The following SDK1 variants were observed in gnomAD, a reference collection of about 807,000 sequenced individuals.
The protein encoded by SDK1 is protein sidekick-1.
SDK1 carries 157 observed loss-of-function variants against 245.5 expected under a neutral mutation model. The ratio of observed to expected loss-of-function variants is 0.64; its 90% CI spans 0.56 to 0.73. The LOEUF (loss-of-function observed/expected upper bound fraction) is 0.73, where lower values mean the gene tolerates loss of function less well. SDK1 is among the 30% of genes least tolerant of loss of function. The probability of loss-of-function intolerance (pLI) is 0.00; values close to 1 mark genes in which losing one functional copy is unlikely to be tolerated. For synonymous variants in SDK1, 1,647 were observed against 1,278.5 expected, an observed-to-expected ratio of 1.29 and a Z score of -6.15; for missense variants, 3,583 against 3,002.3, an observed-to-expected ratio of 1.19 and a Z score of -4.52.
Position 3,644,799 on chromosome 7 carries a change from A to C in SDK1, c.713+2694A>C, listed in dbSNP as rs570455824. On this transcript the variant is annotated intron_variant, in intron 4 of 44. Transcript: ENST00000404826. The stretch of plus-strand genomic sequence containing the variant: ...AAAAAAAAAAAAAAAAAAACAAAAA[A>C]CAACAACAACGGCGGGGCAGGGGGT... Among the ~76,000 whole-genome samples, 481 of 148,268 alleles carry C rather than the reference A, an allele frequency of 3.2e-3. 8 individuals carry two copies. Among genetic ancestry groups the C allele is most frequent in the African/African-American group, 0.011 (433 of 40,416 alleles).
chr7:4,202,139 C>A (rs1250559902), intron 35 of SDK1, among the ~76,000 whole-genome samples: 1 of 152,204 alleles, frequency 6.6e-6, no homozygotes, highest in Non-Finnish European at 1.5e-5. Flanking sequence ...TGGGCCCCGA[C>A]CCTGTCCCCA....
chr7:3,627,687 C>G (rs190351641), intron 2 of SDK1, among the ~76,000 whole-genome samples: 6 of 152,320 alleles, frequency 3.9e-5, no homozygotes, highest in Non-Finnish European at 4.4e-5. Context: ...TGGATTCATT[C>G]ATAGCCTCAG....
chr7:4,008,840 A>G (rs1174088792), intron 14 of SDK1, among the ~76,000 whole-genome samples: 1 of 152,194 alleles, frequency 6.6e-6, no homozygotes, highest in Non-Finnish European at 1.5e-5. Flanking sequence ...GCTACTGTGA[A>G]TAAAGCTGCT....
chr7:3,674,657 G>A (rs1462606297), intron 4 of SDK1, among the ~76,000 whole-genome samples: 1 of 152,184 alleles, frequency 6.6e-6, no homozygotes, highest in Non-Finnish European at 1.5e-5. Flanking sequence ...GGGCAGTGAT[G>A]TGTTGTTCAG....
At chr7:3,476,429 C>A (rs921121325) in intron 1 of SDK1, among the ~76,000 whole-genome samples, 2 of 152,202 alleles carry the variant, frequency 1.3e-5, no homozygotes, top group Non-Finnish European at 2.9e-5. Context: ...CCAGACATTA[C>A]TTTTTCCTAG....
intron 4 of SDK1, among the ~76,000 whole-genome samples, chr7:3,652,354 A>T (rs11768731): frequency 1.3e-5 from 2 of 152,184 alleles, no homozygotes; most frequent in African/African-American, 2.4e-5. Context: ...AGTCCTGGCA[A>T]ATGTGACCTG....
At chr7:4,178,783 C>T (rs1249732883) in intron 35 of SDK1, among the ~76,000 whole-genome samples, 197 bp downstream of exon 35, 1 of 152,216 alleles carries the variant, frequency 6.6e-6, no homozygotes, top group East Asian at 1.9e-4. Context: ...CTGACAGCTT[C>T]AGTGAATGGT....
chr7:3,687,707 C>T (rs913536515), intron 4 of SDK1, among the ~76,000 whole-genome samples: 10 of 152,236 alleles, frequency 6.6e-5, no homozygotes, highest in East Asian at 1.9e-4. Flanking sequence ...GAAGTCTACA[C>T]GGGTCAGCAA....
At chr7:3,611,818 A>T (rs1194628156) in intron 1 of SDK1, among the ~76,000 whole-genome samples, 2 of 152,186 alleles carry the variant, frequency 1.3e-5, no homozygotes, top group Non-Finnish European at 2.9e-5. Context: ...TGAAAAAATC[A>T]AAAAATAATA....
At chr7:3,552,719 A>G (rs1302960296) in intron 1 of SDK1, among the ~76,000 whole-genome samples, 1 of 152,208 alleles carries the variant, frequency 6.6e-6, no homozygotes, top group African/African-American at 2.4e-5. Flanking sequence ...CAATTTGCTA[A>G]TTAGGTCATT....
intron 1 of SDK1, among the ~76,000 whole-genome samples, chr7:3,514,466 T>G (rs1035803717): frequency 6.6e-6 from 1 of 152,214 alleles, no homozygotes; most frequent in African/African-American, 2.4e-5. Context: ...CTCTCTTAAA[T>G]GTAGAGAGGT....
chr7:3,665,565 G>A (rs1783498735), intron 4 of SDK1, among the ~76,000 whole-genome samples: 1 of 152,170 alleles, frequency 6.6e-6, no homozygotes, highest in Non-Finnish European at 1.5e-5. Flanking sequence ...GCTTTGTCTT[G>A]TGCCTGACTA....
rs34448201 is a variant in SDK1 at position 3,799,704 on chromosome 7, C to CAAA, written c.714-21729_714-21727dup. On this transcript the variant is annotated intron_variant, in intron 4 of 44. Transcript: ENST00000404826. ...TGGGCGACAGAGTGAGACTCCATCT[C>CAAA]AAAAAAAAAAAAAAAAAAATGACCT... Among the ~76,000 whole-genome samples the CAAA allele has an allele frequency of 2.1e-3, 233 of 109,022 alleles. 2 individuals carry two copies. The highest frequency in any genetic ancestry group is 7.6e-3 in the African/African-American group (218 of 28,848). 71.5% of individuals were successfully genotyped at this position (109,022 alleles called of 152,430 possible). A position where few individuals can be genotyped will look rare whatever the true frequency, so the allele number is the denominator to read the frequency against.
chr7:4,008,123 A>G (rs1177979154), intron 14 of SDK1, among the ~76,000 whole-genome samples: 1 of 152,148 alleles, frequency 6.6e-6, no homozygotes, highest in Non-Finnish European at 1.5e-5. Context: ...TAGATGTCTC[A>G]TGCAAGTGGA....
chr7:3,404,070 A>T (rs1778987977), intron 1 of SDK1, among the ~76,000 whole-genome samples: 2 of 151,424 alleles, frequency 1.3e-5, no homozygotes, highest in South Asian at 4.2e-4. Flanking sequence ...TAACAAGAGT[A>T]CATACCTTAA....
chr7:3,974,519 C>T lies in SDK1; in HGVS notation c.1968C>T (p.Asp656=). ...SCEIVSEGGN[D]SRMARLEVIE... ...AGATTGTTTCTGAAGGAGGGAATGACTCCAGGATGGCCCGGCTGGAAGTGA... is the reference window on the plus strand; with the variant it reads ...AGATTGTTTCTGAAGGAGGGAATGATTCCAGGATGGCCCGGCTGGAAGTGA... The change falls in exon 13 of 45, where the codon GAC becomes GAT. Residue 656 remains aspartate (D), a synonymous_variant. Transcript: ENST00000404826. 6.2e-7 allele frequency: 1 copy of T among 1,614,180 alleles called. No individual in the cohort carries two copies. Among genetic ancestry groups the T allele is most frequent in the Non-Finnish European group, 8.5e-7 (1 of 1,180,028 alleles).
At chr7:3,865,066 A>G (rs1433633907) in intron 5 of SDK1, among the ~76,000 whole-genome samples, 1 of 152,192 alleles carries the variant, frequency 6.6e-6, no homozygotes, top group Admixed American at 6.5e-5. Context: ...CTGTGGCATG[A>G]GGTCCCCGTG....
At chr7:3,966,368 C>T (rs1782081694) in intron 9 of SDK1, among the ~76,000 whole-genome samples, 1 of 152,262 alleles carries the variant, frequency 6.6e-6, no homozygotes, top group African/African-American at 2.4e-5. Flanking sequence ...TCACAGAAGA[C>T]TTGAGAGACA....
intron 1 of SDK1, among the ~76,000 whole-genome samples, chr7:3,555,925 G>A (rs1022205965): frequency 3.9e-5 from 6 of 152,096 alleles, no homozygotes; most frequent in African/African-American, 1.4e-4. Flanking sequence ...AACAAATGCT[G>A]GCAAGAATGT....
Sources: allele counts gnomAD v4.1 joint callset (sites outside exome capture counted in the v4.1 genomes callset), GRCh38; gene constraint gnomAD v4.1.1; transcripts MANE v1.5; gene names NCBI Gene and HGNC (gene_info 2026-07-23, HGNC 2026-07-21).